Variants in ALK observed in about 807,000 individuals in gnomAD.
The protein encoded by ALK is ALK receptor tyrosine kinase, also known as ALK tyrosine kinase receptor.
A neutral mutation model predicts 163.1 loss-of-function variants in ALK; 74 were observed. The observed-to-expected ratio is 0.45, with a 90% CI of 0.38 to 0.55. ALK has a LOEUF of 0.55. ALK is among the 20% of genes least tolerant of loss of function. The pLI, the probability that ALK is intolerant of heterozygous loss-of-function variation, is 0.00. For synonymous variants in ALK, 960 were observed against 843.2 expected, an observed-to-expected ratio of 1.14 and a Z score of -2.40; for missense variants, 2,063 against 2,105.3, an observed-to-expected ratio of 0.98 and a Z score of 0.39.
At chr2:29,295,947 C>T (rs190521048) in intron 9 of ALK, among the ~76,000 whole-genome samples, 75 of 152,292 alleles carry the variant, frequency 4.9e-4, no homozygotes, top group African/African-American at 1.7e-3. Context: ...CAGATCAGCA[C>T]CCACCATGAG....
chr2:29,462,825 C>A (rs1479928124), intron 4 of ALK, among the ~76,000 whole-genome samples: 4 of 152,080 alleles, frequency 2.6e-5, no homozygotes, highest in African/African-American at 9.7e-5. Context: ...TAAAGCAAAT[C>A]ATTATAAAAT....
chr2:29,553,571 T>A (rs534324902), intron 3 of ALK, among the ~76,000 whole-genome samples: 1 of 152,284 alleles, frequency 6.6e-6, no homozygotes, highest in South Asian at 2.1e-4. Context: ...ACATGCTCAC[T>A]CCTTGACAGC....
At position 29,538,192 on chromosome 2, in the gene ALK, G is replaced by GA. The variant is rs1029516640; in HGVS notation, c.953-6077_953-6076insT. On this transcript the variant is annotated intron_variant, in intron 3 of 28. Transcript: ENST00000389048. ...TGAAATGTAAGGACATGATATTTGG[G>GA]GGGGGCAGGGGTGAAATAATATGGT... Among the ~76,000 whole-genome samples the GA allele has an allele frequency of 4.3e-3, 660 of 152,226 alleles. 3 individuals are homozygous for GA. The highest frequency in any genetic ancestry group is 0.015 in the African/African-American group (627 of 41,532).
At chr2:29,552,529 A>C (rs1673739748) in intron 3 of ALK, among the ~76,000 whole-genome samples, 2 of 152,146 alleles carry the variant, frequency 1.3e-5, no homozygotes, top group African/African-American at 4.8e-5. Context: ...TATTACTTTA[A>C]AAAAATAATA....
chr2:29,228,785 G>T, intron 16 of ALK, 99 bp downstream of exon 16: 1 of 826,626 alleles, frequency 1.2e-6, no homozygotes, highest in Non-Finnish European at 2.1e-6. Context: ...GTCCACACTT[G>T]GGCAGGCCAG....
At chr2:29,348,678 T>G (rs183660410) in intron 5 of ALK, among the ~76,000 whole-genome samples, 1 of 152,322 alleles carries the variant, frequency 6.6e-6, no homozygotes, top group East Asian at 1.9e-4. Context: ...GTTATGAAAT[T>G]CAATCTTTAT....
intron 3 of ALK, among the ~76,000 whole-genome samples, chr2:29,611,305 T>A (rs115458307): frequency 0.024 from 3,667 of 152,230 alleles, 55 homozygotes; most frequent in Non-Finnish European, 0.036. Flanking sequence ...TTAAGGTAAG[T>A]GGGCAGAACC....
At chr2:29,321,470 C>T (rs12997783) in intron 6 of ALK, among the ~76,000 whole-genome samples, 88,312 of 152,142 alleles carry the variant, frequency 0.58, 29,175 homozygotes, top group East Asian at 0.84. Context: ...TCTCCCAACC[C>T]GCTTGCAGTT....
At chr2:29,810,974 C>T (rs1220875046) in intron 1 of ALK, among the ~76,000 whole-genome samples, 1 of 152,070 alleles carries the variant, frequency 6.6e-6, no homozygotes, top group Non-Finnish European at 1.5e-5. Context: ...AGAGACCTCA[C>T]CAGAAGCCAA....
At chr2:29,755,081 G>GAA (rs25590) in intron 1 of ALK, among the ~76,000 whole-genome samples, 1 of 151,630 alleles carries the variant, frequency 6.6e-6, no homozygotes, top group African/African-American at 2.4e-5. Flanking sequence ...GCTTCTCTAA[G>GAA]GGTACCAACT....
In ALK at chr2:29,675,310, C is replaced by G. The variant is rs1281637985; in HGVS notation, c.952+19540G>C. Among the ~76,000 whole-genome samples, 18 of 152,104 alleles carry G rather than the reference C, an allele frequency of 1.2e-4. No individual in the cohort carries two copies. In the East Asian group the frequency reaches 3.5e-3, roughly 29 times the overall value. Reference sequence around the variant, plus strand: ...TAATTTGGCCAGTTCACTGTTGATGCACATTTAAAGCAGATTCTATTTTTT... The same window carrying G: ...TAATTTGGCCAGTTCACTGTTGATGGACATTTAAAGCAGATTCTATTTTTT... On this transcript the variant is annotated intron_variant, in intron 3 of 28. Transcript: ENST00000389048.
intron 1 of ALK, among the ~76,000 whole-genome samples, chr2:29,794,332 A>T (rs533733284): frequency 6.6e-6 from 1 of 152,204 alleles, no homozygotes; most frequent in Non-Finnish European, 1.5e-5. Context: ...ATTGTGGCTG[A>T]TTTGATCTTC....
rs1017673047 is a variant in ALK at position 29,328,791 on chromosome 2, T to C, written c.1283-310A>G. ...TCCTCCTCGGGGGTCCTCAAACCCA[T>C]GACTTTAGTGTGCCAAGTGGATGGC... On this transcript the variant is annotated intron_variant, in intron 5 of 28. Coordinates refer to ENST00000389048, the MANE Select transcript of ALK (RefSeq NM_004304.5). Among the ~76,000 whole-genome samples the C allele has an allele frequency of 2.0e-5, 3 of 152,126 alleles. No individual in the cohort carries two copies. The East Asian group carries it at 5.8e-4, about 29-fold the overall frequency.
chr2:29,652,649 A>C (rs1677067995), intron 3 of ALK, among the ~76,000 whole-genome samples: 1 of 152,150 alleles, frequency 6.6e-6, no homozygotes, highest in African/African-American at 2.4e-5. Context: ...AGCCTCAGGG[A>C]AGGACAAAGT....
At chr2:29,364,056 A>G (rs545516103) in intron 5 of ALK, among the ~76,000 whole-genome samples, 30 of 152,308 alleles carry the variant, frequency 2.0e-4, no homozygotes, top group African/African-American at 7.2e-4. Flanking sequence ...TGGGCTATAA[A>G]CACAGATTCA....
At chr2:29,438,161 T>C (rs1573353967) in intron 4 of ALK, among the ~76,000 whole-genome samples, 3 of 152,048 alleles carry the variant, frequency 2.0e-5, no homozygotes, top group Admixed American at 6.5e-5. Flanking sequence ...TAGACTGACA[T>C]TATTTTATTC....
At chr2:29,694,763 G>T in intron 3 of ALK, 87 bp downstream of exon 3, 1 of 1,522,666 alleles carries the variant, frequency 6.6e-7, no homozygotes. Context: ...AGCAGAACAG[G>T]AGTGAAGTCT....
At chr2:29,232,245 G>A (rs1011920003) in intron 15 of ALK, 59 bp downstream of exon 15, 14 of 1,608,904 alleles carry the variant, frequency 8.7e-6, no homozygotes, top group Non-Finnish European at 1.1e-5. Flanking sequence ...CGATGGCATC[G>A]GGGCCCAGCT....
chr2:29,478,682 G>A (rs1433396380), intron 4 of ALK, among the ~76,000 whole-genome samples: 4 of 152,226 alleles, frequency 2.6e-5, no homozygotes, highest in African/African-American at 4.8e-5. Flanking sequence ...CTGTATCAAC[G>A]ATGAGCATGG....
Sources: allele counts gnomAD v4.1 joint callset (sites outside exome capture counted in the v4.1 genomes callset), GRCh38; gene constraint gnomAD v4.1.1; transcripts MANE v1.5; gene names NCBI Gene and HGNC (gene_info 2026-07-23, HGNC 2026-07-21).